The following EBAG9 variants were observed in gnomAD, a reference collection of about 807,000 sequenced individuals.
EBAG9 encodes receptor-binding cancer antigen expressed on SiSo cells.
EBAG9 carries 16 observed loss-of-function variants against 30.9 expected under a neutral mutation model. The observed-to-expected ratio is 0.52, with a 90% confidence interval of 0.35 to 0.79. The LOEUF (loss-of-function observed/expected upper bound fraction) is 0.79, where lower values mean the gene tolerates loss of function less well. EBAG9 is among the 30% of genes least tolerant of loss of function. EBAG9 has a pLI of 0.01. For missense variants in EBAG9, 197 were observed against 242.1 expected (o/e 0.81, Z 1.24); for synonymous variants, 93 against 82.8 (o/e 1.12, Z -0.67).
chr8:109,553,310 G>A (rs764218556), intron 2 of EBAG9, among the ~76,000 whole-genome samples: 7 of 152,170 alleles, frequency 4.6e-5, no homozygotes, highest in Non-Finnish European at 8.8e-5. Flanking sequence ...ATTGAAAACT[G>A]TGGTTTACAC....
chr8:109,560,427 A>T (rs1032292971), intron 5 of EBAG9, among the ~76,000 whole-genome samples: 11 of 152,208 alleles, frequency 7.2e-5, no homozygotes, highest in Non-Finnish European at 7.3e-5. Context: ...TTCTCAGCAC[A>T]GATTAGTCCA....
At chr8:109,554,644 A>G in intron 3 of EBAG9, 85 bp from the exon 4 acceptor site, 1 of 1,389,424 alleles carries the variant, frequency 7.2e-7, no homozygotes, top group South Asian at 1.4e-5. Context: ...AGTGTTTTAG[A>G]AAGCCCATTT....
chr8:109,551,653 TTGAGA>T (rs1241363358), intron 2 of EBAG9, among the ~76,000 whole-genome samples: 5 of 152,178 alleles, frequency 3.3e-5, no homozygotes, highest in African/African-American at 9.7e-5. Flanking sequence ...TCTTTAATGT[TTGAGA>T]TAAGTTTTTG....
rs1425244761 is a variant in EBAG9 at position 109,540,426 on chromosome 8, C to G, written c.-51C>G. The G allele has an allele frequency of 6.6e-6, 1 of 152,244 alleles. No individual in the cohort carries two copies. Among genetic ancestry groups the G allele is most frequent in the Non-Finnish European group, 1.5e-5 (1 of 68,050 alleles). 9.4% of individuals were successfully genotyped at this position (152,244 alleles called of 1,614,324 possible). On this transcript the variant is annotated 5_prime_UTR_variant, in exon 1 of 7. Coordinates refer to ENST00000337573, the MANE Select transcript of EBAG9 (RefSeq NM_004215.5). ...GGCGCCAGGCGTCGGCTTGTATAAC[C>G]TGAAAACGCTCCTGTTTTTCTCATC... is the stretch of plus-strand genomic sequence containing the variant.
At chr8:109,555,260 T>C (rs1191345205) in intron 4 of EBAG9, among the ~76,000 whole-genome samples, 1 of 152,204 alleles carries the variant, frequency 6.6e-6, no homozygotes, top group Non-Finnish European at 1.5e-5. Flanking sequence ...TGCGATAGTT[T>C]GCTGAGAATG....
intron 1 of EBAG9, among the ~76,000 whole-genome samples, chr8:109,549,359 T>C (rs1821449055): frequency 6.6e-6 from 1 of 152,062 alleles, no homozygotes; most frequent in Non-Finnish European, 1.5e-5. Flanking sequence ...TTTTCTTTTC[T>C]AGTAATATCT....
chr8:109,539,907 G>C (rs1450362311), upstream of EBAG9: 1 of 152,190 alleles, frequency 6.6e-6, no homozygotes, highest in African/African-American at 2.4e-5. Context: ...CGGGCGGGGA[G>C]GGGGAGGGGC....
At chr8:109,560,070 T>C (rs887491473) in intron 5 of EBAG9, among the ~76,000 whole-genome samples, 3 of 152,208 alleles carry the variant, frequency 2.0e-5, no homozygotes, top group African/African-American at 7.2e-5. Context: ...CAATATGATA[T>C]TAAATAAATG....
At chr8:109,563,635 G>C in intron 6 of EBAG9, 1 of 1,258,042 alleles carries the variant, frequency 7.9e-7, no homozygotes, top group Non-Finnish European at 1.1e-6. Flanking sequence ...GTGCAGGTTT[G>C]TTACACAGGT....
chr8:109,564,819 T>G lies in EBAG9; in HGVS notation c.*260T>G. The G allele has an allele frequency of 3.1e-6, 1 of 321,820 alleles. No homozygotes were observed. The highest frequency in any genetic ancestry group is 5.9e-5 in the East Asian group (1 of 16,954). The allele number at this position is 321,820 out of a possible 1,614,324, so 19.9% of individuals were successfully genotyped here. The stretch of plus-strand genomic sequence containing the variant: ...ACATTTGTTTGCTGTACAGAAAGTA[T>G]CACAAATGGAATATATCAGTACCTC... On this transcript the variant is annotated 3_prime_UTR_variant, in exon 7 of 7. Coordinates refer to ENST00000337573, the MANE Select transcript of EBAG9 (RefSeq NM_004215.5).
At chr8:109,563,625 G>A in intron 6 of EBAG9, 2 of 1,355,614 alleles carry the variant, frequency 1.5e-6, no homozygotes, top group Non-Finnish European at 2.0e-6. Flanking sequence ...TGTGCAGGAT[G>A]TGCAGGTTTG....
intron 6 of EBAG9, among the ~76,000 whole-genome samples, chr8:109,562,611 A>G (rs1211765694): frequency 3.3e-5 from 5 of 151,800 alleles, no homozygotes; most frequent in Non-Finnish European, 7.4e-5. Context: ...GTACTTTAAT[A>G]ATTCCCAGCA....
chr8:109,564,656 T>C lies in EBAG9; in HGVS notation c.*97T>C. The C allele has an allele frequency of 6.6e-7, 1 of 1,516,130 alleles. No individual in the cohort carries two copies. Among genetic ancestry groups the C allele is most frequent in the Non-Finnish European group, 8.9e-7 (1 of 1,119,460 alleles). 93.9% of individuals were successfully genotyped at this position (1,516,130 alleles called of 1,614,324 possible). Reference sequence around the variant, plus strand: ...TTAAGAGTATTTTAAGAAGACATACTGCTTGATTTTAATACATTGATCAGG... The same window carrying C: ...TTAAGAGTATTTTAAGAAGACATACCGCTTGATTTTAATACATTGATCAGG... On this transcript the variant is annotated 3_prime_UTR_variant, in exon 7 of 7. Transcript: ENST00000337573.
chr8:109,564,266 AAG>A (rs1821771918), intron 6 of EBAG9, among the ~76,000 whole-genome samples, 171 bp from the exon 7 acceptor site: 1 of 152,118 alleles, frequency 6.6e-6, no homozygotes, highest in East Asian at 1.9e-4. Context: ...TCTAAGGACT[AAG>A]AGAAATCCTG....
chr8:109,543,448 G>GT (rs1415799534), intron 1 of EBAG9, among the ~76,000 whole-genome samples: 4 of 152,024 alleles, frequency 2.6e-5, no homozygotes, highest in African/African-American at 9.7e-5. Context: ...TGAGAGTTAA[G>GT]TATGTTTTTC....
chr8:109,548,279 G>T (rs550496992), intron 1 of EBAG9, among the ~76,000 whole-genome samples: 1 of 150,936 alleles, frequency 6.6e-6, no homozygotes, highest in East Asian at 1.9e-4. Flanking sequence ...AATTACCTTT[G>T]CATCTTTATC....
At chr8:109,561,507 C>G (rs1259163379) in intron 6 of EBAG9, among the ~76,000 whole-genome samples, 1 of 151,924 alleles carries the variant, frequency 6.6e-6, no homozygotes, top group African/African-American at 2.4e-5. Context: ...GTGTGAGCAG[C>G]AAACATATTT....
At chr8:109,553,469 C>T (rs1280142427) in intron 2 of EBAG9, among the ~76,000 whole-genome samples, 2 of 152,134 alleles carry the variant, frequency 1.3e-5, no homozygotes, top group Non-Finnish European at 2.9e-5. Context: ...TCAAGAAACC[C>T]CATGTGTAAA....
At chr8:109,551,501 G>T (rs1821494090) in intron 2 of EBAG9, among the ~76,000 whole-genome samples, 1 of 152,040 alleles carries the variant, frequency 6.6e-6, no homozygotes, top group African/African-American at 2.4e-5. Context: ...GCACCTCAGG[G>T]CTTTACATGA....
Sources: allele counts gnomAD v4.1 joint callset (sites outside exome capture counted in the v4.1 genomes callset), GRCh38; gene constraint gnomAD v4.1.1; transcripts MANE v1.5; gene names NCBI Gene and HGNC (gene_info 2026-07-23, HGNC 2026-07-21).